The following GRIN2A variants were observed in gnomAD, a reference collection of about 807,000 sequenced individuals.
GRIN2A encodes glutamate receptor ionotropic, NMDA 2A.
GRIN2A carries 22 observed loss-of-function variants against 113.4 expected under a neutral mutation model. The observed-to-expected ratio is 0.19, with a 90% CI of 0.14 to 0.28. GRIN2A has a LOEUF of 0.28. Among genes scored for constraint, GRIN2A ranks in the 10% least tolerant of loss-of-function variants. GRIN2A has a pLI of 1.00. For missense variants in GRIN2A, 1,502 were observed against 1,887.0 expected (o/e 0.80, Z 3.78); for synonymous variants, 827 against 738.4 (o/e 1.12, Z -1.94).
intron 2 of GRIN2A, among the ~76,000 whole-genome samples, chr16:10,011,179 G>A (rs1388854476): frequency 2.6e-5 from 4 of 152,124 alleles, no homozygotes; most frequent in Admixed American, 2.0e-4. Flanking sequence ...TTTTGAAGAT[G>A]GCTCTTATCA....
chr16:10,035,844 C>T (rs575948584), intron 2 of GRIN2A, among the ~76,000 whole-genome samples: 11 of 152,212 alleles, frequency 7.2e-5, no homozygotes, highest in South Asian at 6.2e-4. Context: ...ATACCTCAGC[C>T]TTCCCAGTAG....
rs542243208 is a variant in GRIN2A at position 9,919,705 on chromosome 16, A to G, written c.1007+18254T>C. Among the ~76,000 whole-genome samples, 292 of 152,360 alleles carry G rather than the reference A, an allele frequency of 1.9e-3. 1 individual carries two copies. Among genetic ancestry groups the G allele is most frequent in the Non-Finnish European group, 3.6e-3 (248 of 68,032 alleles). ...CGCTAAAACTCTCCAAAGACTTTTCATAATACTTGAAACAAAATTCCAAAC... is the reference window on the plus strand; with the variant it reads ...CGCTAAAACTCTCCAAAGACTTTTCGTAATACTTGAAACAAAATTCCAAAC... On this transcript the variant is annotated intron_variant, in intron 3 of 12. Coordinates refer to ENST00000330684, the MANE Select transcript of GRIN2A (RefSeq NM_001134407.3).
chr16:9,778,298 C>T (rs1901729682), intron 11 of GRIN2A, among the ~76,000 whole-genome samples: 1 of 152,110 alleles, frequency 6.6e-6, no homozygotes, highest in South Asian at 2.1e-4. Flanking sequence ...TATTATATAC[C>T]AAGCACTTCT....
At position 10,039,808 on chromosome 16, in the gene GRIN2A, G is replaced by GGGAGAGAGA. The variant is rs1555469298; in HGVS notation, c.415-101258_415-101257insTCTCTCTCC. Among the ~76,000 whole-genome samples, 39 of 63,820 alleles carry GGGAGAGAGA rather than the reference G, an allele frequency of 6.1e-4. No individual in the cohort carries two copies. The South Asian group carries it at 6.8e-3, about 11-fold the overall frequency. The allele number at this position is 63,820 out of a possible 152,430, so 41.9% of individuals were successfully genotyped here. On this transcript the variant is annotated intron_variant, in intron 2 of 12. Transcript: ENST00000330684. ...AGGGGGAGGGGGAGGGGGAGGGGGGGGAGAAAGAGAGAGAGAGAGAGAGAG... is the reference window on the plus strand; with the variant it reads ...AGGGGGAGGGGGAGGGGGAGGGGGGGGGAGAGAGAGAGAAAGAGAGAGAGAGAGAGAGAG...
intron 2 of GRIN2A, among the ~76,000 whole-genome samples, chr16:10,117,631 G>A (rs905959861): frequency 2.0e-5 from 3 of 152,166 alleles, no homozygotes; most frequent in African/African-American, 4.8e-5. Flanking sequence ...CAGGGACCAG[G>A]AGCATATAAT....
At chr16:9,939,309 C>T (rs570071130) in intron 2 of GRIN2A, among the ~76,000 whole-genome samples, 7 of 152,158 alleles carry the variant, frequency 4.6e-5, no homozygotes, top group South Asian at 2.1e-4. Context: ...GGATGCACTG[C>T]GACTATCTCA....
intron 2 of GRIN2A, among the ~76,000 whole-genome samples, chr16:10,106,619 G>A (rs1372701344): frequency 6.6e-6 from 1 of 152,046 alleles, no homozygotes; most frequent in Non-Finnish European, 1.5e-5. Context: ...ACCCCCAGAA[G>A]GCACTCCGAT....
At chr16:9,841,194 G>A in intron 5 of GRIN2A, 90 bp from the exon 6 acceptor site, 1 of 1,138,940 alleles carries the variant, frequency 8.8e-7, no homozygotes, top group East Asian at 2.4e-5. Flanking sequence ...TTTTTCAGAT[G>A]AGTAAACTGA....
At chr16:10,090,167 T>G (rs901266573) in intron 2 of GRIN2A, among the ~76,000 whole-genome samples, 2 of 152,024 alleles carry the variant, frequency 1.3e-5, no homozygotes, top group Non-Finnish European at 2.9e-5. Flanking sequence ...TTACCATATC[T>G]ATCTCCAACC....
chr16:10,045,478 C>G (rs2141971223), intron 2 of GRIN2A, among the ~76,000 whole-genome samples: 1 of 152,072 alleles, frequency 6.6e-6, no homozygotes, highest in Admixed American at 6.5e-5. Flanking sequence ...ACTGCTCTGG[C>G]TACGTGAGAG....
At chr16:9,888,475 G>GT (rs61341840) in intron 4 of GRIN2A, among the ~76,000 whole-genome samples, 43,235 of 148,850 alleles carry the variant, frequency 0.29, 7,132 homozygotes, top group African/African-American at 0.46. Flanking sequence ...ATGGGTCAAG[G>GT]TTTTTTTTTT....
Position 10,073,133 on chromosome 16 carries a change from G to T in GRIN2A, c.414+106865C>A, listed in dbSNP as rs569426037. On this transcript the variant is annotated intron_variant, in intron 2 of 12. Transcript: ENST00000330684. ...GCCACGTCTGGCTAGTTTTTGTATT[G>T]TTAGTAGAGATGGGGTTTCACCATG... 5.9e-5 allele frequency among the ~76,000 whole-genome samples: 9 copies of T among 151,652 alleles called. No individual in the cohort carries two copies. In the East Asian group the frequency reaches 1.7e-3, roughly 29 times the overall value.
chr16:9,912,841 C>T (rs2044173124), intron 3 of GRIN2A, among the ~76,000 whole-genome samples: 5 of 152,212 alleles, frequency 3.3e-5, no homozygotes, highest in Admixed American at 2.6e-4. Flanking sequence ...AATTTCATAT[C>T]TAAAAGGCAG....
At chr16:10,142,052 G>A (rs766873329) in intron 2 of GRIN2A, among the ~76,000 whole-genome samples, 1 of 152,172 alleles carries the variant, frequency 6.6e-6, no homozygotes, top group African/African-American at 2.4e-5. Context: ...CCAGCTCAAA[G>A]CTTCATTGCA....
intron 4 of GRIN2A, among the ~76,000 whole-genome samples, chr16:9,850,231 G>A (rs769223959): frequency 6.6e-6 from 1 of 152,126 alleles, no homozygotes; most frequent in African/African-American, 2.4e-5. Context: ...TTACAGCCCC[G>A]CAGGTGGTTC....
At chr16:10,044,034 G>GAC (rs1567257977) in intron 2 of GRIN2A, among the ~76,000 whole-genome samples, 4 of 139,908 alleles carry the variant, frequency 2.9e-5, no homozygotes, top group East Asian at 4.3e-4. Flanking sequence ...GAGAGAGAGA[G>GAC]AGAGAGAGAG....
chr16:9,987,073 C>G (rs993917547), intron 2 of GRIN2A, among the ~76,000 whole-genome samples: 3 of 152,132 alleles, frequency 2.0e-5, no homozygotes, highest in African/African-American at 7.2e-5. Flanking sequence ...TCCATAGACT[C>G]CAGTAAGAGA....
intron 3 of GRIN2A, among the ~76,000 whole-genome samples, chr16:9,902,857 C>T (rs761320282): frequency 6.6e-6 from 1 of 151,236 alleles, no homozygotes; most frequent in Non-Finnish European, 1.5e-5. Flanking sequence ...CAGTCTAAAC[C>T]CAGTATTTGT....
chr16:9,814,090 A>T (rs1418290149), intron 10 of GRIN2A, among the ~76,000 whole-genome samples: 1 of 152,222 alleles, frequency 6.6e-6, no homozygotes, highest in East Asian at 1.9e-4. Context: ...ATATCCCTGA[A>T]CCAGTTTCTT....
Sources: gnomAD v4.1 joint callset for allele counts (sites outside exome capture counted in the v4.1 genomes callset) on GRCh38, gnomAD v4.1.1 for gene constraint, MANE v1.5 for transcripts, NCBI Gene and HGNC (gene_info 2026-07-23, HGNC 2026-07-21) for gene names.